Variants in GLP1R observed in about 807,000 individuals in gnomAD.
GLP1R encodes glucagon-like peptide 1 receptor.
A neutral mutation model predicts 68.4 loss-of-function variants in GLP1R; 32 were observed. The ratio of observed to expected loss-of-function variants is 0.47; its 90% CI spans 0.35 to 0.63. GLP1R has a LOEUF of 0.63. Ranked by LOEUF, GLP1R falls within the 20% of genes least tolerant of loss-of-function variation. The pLI is 0.00. For synonymous variants in GLP1R, 263 were observed against 244.4 expected, an observed-to-expected ratio of 1.08 and a Z score of -0.71; for missense variants, 502 against 594.9, an observed-to-expected ratio of 0.84 and a Z score of 1.62.
chr6:39,079,788 G>A lies in GLP1R; in HGVS notation c.1182+86G>A. The stretch of plus-strand genomic sequence containing the variant: ...CAGCCTGCATCATGCAGATGGAAAA[G>A]GTGGGAAGACTGGGACCTGGAGGGG... On this transcript the variant is annotated intron_variant, in intron 11 of 12. Coordinates refer to ENST00000373256, the MANE Select transcript of GLP1R (RefSeq NM_002062.5). This position sits in a 1 kb window ranked among gnomAD's most constrained non-coding sequence, Gnocchi z 4.5. 2 of 1,285,400 alleles carry A rather than the reference G, an allele frequency of 1.6e-6. No individual in the cohort carries two copies. The highest frequency in any genetic ancestry group is 1.3e-5 in the South Asian group (1 of 78,542). The allele number at this position is 1,285,400 out of a possible 1,614,324, so 79.6% of individuals were successfully genotyped here.
chr6:39,060,652 A>G (rs1448262309), intron 3 of GLP1R, among the ~76,000 whole-genome samples: 2 of 152,228 alleles, frequency 1.3e-5, no homozygotes, highest in East Asian at 3.9e-4. Context: ...CTGCCCTTCC[A>G]TCTTCTGCCA....
At chr6:39,082,541 A>G (rs2150838343) in intron 12 of GLP1R, among the ~76,000 whole-genome samples, 1 of 152,298 alleles carries the variant, frequency 6.6e-6, no homozygotes, top group East Asian at 1.9e-4. Flanking sequence ...AGGGTAGGGC[A>G]GGGAACAGGC....
In GLP1R at chr6:39,088,258, T is replaced by C. The variant is rs1343354873; in HGVS notation, c.*2185T>C. 6.6e-6 allele frequency among the ~76,000 whole-genome samples: 1 copy of C among 152,094 alleles called. No homozygotes were observed. Among genetic ancestry groups the C allele is most frequent in the African/African-American group, 2.4e-5 (1 of 41,406 alleles). The stretch of plus-strand genomic sequence containing the variant: ...CATGAATACATACAAGATACCGAAC[T>C]GAAGAAATCTTTTCTTTGCTCCAAC... On this transcript the variant is annotated 3_prime_UTR_variant, in exon 13 of 13. Coordinates refer to ENST00000373256, the MANE Select transcript of GLP1R (RefSeq NM_002062.5).
Position 39,086,178 on chromosome 6 carries a change from CACACACACACACACACACACACACACAT to C in GLP1R, c.*109_*136del. 1 of 675,200 alleles carries C rather than the reference CACACACACACACACACACACACACACAT, an allele frequency of 1.5e-6. No individual in the cohort carries two copies. Among genetic ancestry groups the C allele is most frequent in the South Asian group, 1.9e-5 (1 of 52,072 alleles). 41.8% of individuals were successfully genotyped at this position (675,200 alleles called of 1,614,324 possible). A position where few individuals can be genotyped will look rare whatever the true frequency, so the allele number is the denominator to read the frequency against. On this transcript the variant is annotated 3_prime_UTR_variant, in exon 13 of 13. Transcript: ENST00000373256. This position sits in a 1 kb window ranked among gnomAD's most constrained non-coding sequence, Gnocchi z 4.5. Reference sequence around the variant, plus strand: ...AAGGGAAGGAAGGGACACACACACACACACACACACACACACACACACACACATACATCCTGCTTTCCCTCCCCAAACC... The same window carrying C: ...AAGGGAAGGAAGGGACACACACACACACATCCTGCTTTCCCTCCCCAAACC...
In GLP1R at chr6:39,091,005, C is replaced by T. The variant is rs1214503058; in HGVS notation, c.*4932C>T. Reference sequence around the variant, plus strand: ...AAGCAGACCAACTCCAGCATCCCATCGGTTCTGGAGGGATTTGATGCAAAC... The same window carrying T: ...AAGCAGACCAACTCCAGCATCCCATTGGTTCTGGAGGGATTTGATGCAAAC... On this transcript the variant is annotated 3_prime_UTR_variant, in exon 13 of 13. Coordinates refer to ENST00000373256, the MANE Select transcript of GLP1R (RefSeq NM_002062.5). Among the ~76,000 whole-genome samples, 5 of 152,098 alleles carry T rather than the reference C, an allele frequency of 3.3e-5. No homozygotes were observed. Among genetic ancestry groups the T allele is most frequent in the African/African-American group, 4.8e-5 (2 of 41,418 alleles).
chr6:39,064,222 C>G (rs1010644852), intron 3 of GLP1R, among the ~76,000 whole-genome samples: 2 of 151,986 alleles, frequency 1.3e-5, no homozygotes, highest in African/African-American at 4.8e-5. Flanking sequence ...CCAGGCTGGT[C>G]TCGAACTCTT....
In GLP1R at chr6:39,088,188, A is replaced by G. The variant is rs1393094694; in HGVS notation, c.*2115A>G. Among the ~76,000 whole-genome samples the G allele has an allele frequency of 6.6e-6, 1 of 152,114 alleles. No individual in the cohort carries two copies. The highest frequency in any genetic ancestry group is 1.5e-5 in the Non-Finnish European group (1 of 68,022). On this transcript the variant is annotated 3_prime_UTR_variant, in exon 13 of 13. Coordinates refer to ENST00000373256, the MANE Select transcript of GLP1R (RefSeq NM_002062.5). The stretch of plus-strand genomic sequence containing the variant: ...GATTCCTGATTTCAGAAGGCTCATC[A>G]GACCCCTACACCCAAGTCTTTTAAC...
intron 1 of GLP1R, among the ~76,000 whole-genome samples, chr6:39,050,291 C>T (rs771066572): frequency 3.7e-4 from 57 of 152,280 alleles, no homozygotes; most frequent in Non-Finnish European, 7.4e-4. Flanking sequence ...CCATCGTTCC[C>T]TCCTCTTACG....
At chr6:39,075,082 C>T (rs968986228) in intron 7 of GLP1R, among the ~76,000 whole-genome samples, 8 of 152,224 alleles carry the variant, frequency 5.3e-5, no homozygotes, top group Non-Finnish European at 4.4e-5. Flanking sequence ...GGCTCTGGGC[C>T]TGCGGCCATC....
rs75067518 is a variant in GLP1R at position 39,051,556 on chromosome 6, C to T, written c.78+2638C>T. Among the ~76,000 whole-genome samples, 499 of 152,306 alleles carry T rather than the reference C, an allele frequency of 3.3e-3. 9 individuals are homozygous for T. The highest frequency in any genetic ancestry group is 0.032 in the East Asian group (166 of 5,176). ...TGGGGCAGGAGCAACCAAGAAACCA[C>T]ATCCTGCCCTCGAATGCCTTGCACC... On this transcript the variant is annotated intron_variant, in intron 1 of 12. Coordinates refer to ENST00000373256, the MANE Select transcript of GLP1R (RefSeq NM_002062.5).
chr6:39,064,447 A>G (rs565985452), intron 3 of GLP1R, among the ~76,000 whole-genome samples: 1 of 152,220 alleles, frequency 6.6e-6, no homozygotes, highest in Admixed American at 6.5e-5. Flanking sequence ...AAAATCTTCT[A>G]GTCTTTTAGA....
chr6:39,088,841 G>GC lies in GLP1R; in HGVS notation c.*2771dup, dbSNP rs550795178. On this transcript the variant is annotated 3_prime_UTR_variant, in exon 13 of 13. Coordinates refer to ENST00000373256, the MANE Select transcript of GLP1R (RefSeq NM_002062.5). The stretch of plus-strand genomic sequence containing the variant: ...AGAAAGACCTTGGTGATCCCCCCTG[G>GC]CCCGATCTATAGGATTGAGGAATGA... Among the ~76,000 whole-genome samples the GC allele has an allele frequency of 8.0e-4, 122 of 152,230 alleles. 1 individual carries two copies. The highest frequency in any genetic ancestry group is 4.8e-3 in the South Asian group (23 of 4,814).
chr6:39,086,173 AC>A lies in GLP1R; in HGVS notation c.*101del, dbSNP rs1769141201. 6.2e-6 allele frequency: 3 copies of A among 482,312 alleles called. No homozygotes were observed. The highest frequency in any genetic ancestry group is 1.0e-5 in the Non-Finnish European group (3 of 292,816). 29.9% of individuals were successfully genotyped at this position (482,312 alleles called of 1,614,324 possible). On this transcript the variant is annotated 3_prime_UTR_variant, in exon 13 of 13. Transcript: ENST00000373256. The surrounding 1 kb of genome is among the most constrained non-coding windows in gnomAD (Gnocchi z 4.5). The stretch of plus-strand genomic sequence containing the variant: ...GGGACAAGGGAAGGAAGGGACACAC[AC>A]ACACACACACACACACACACACACA...
intron 3 of GLP1R, 129 bp downstream of exon 3, chr6:39,057,708 A>G (rs1768251100): frequency 1.6e-6 from 1 of 619,682 alleles, no homozygotes; most frequent in Non-Finnish European, 2.9e-6. Flanking sequence ...CTGGGCCAGC[A>G]GTGGTGAGCC....
chr6:39,072,768 A>G (rs529417928), intron 5 of GLP1R, 94 bp from the exon 6 acceptor site: 4 of 1,065,684 alleles, frequency 3.8e-6, no homozygotes, highest in African/African-American at 3.1e-5. Context: ...AGGGCTGGAA[A>G]CATGCCTAAT....
At chr6:39,081,438 C>T (rs559470488) in intron 12 of GLP1R, among the ~76,000 whole-genome samples, 10 of 152,268 alleles carry the variant, frequency 6.6e-5, no homozygotes, top group South Asian at 2.1e-4. Flanking sequence ...AGGGGGTTCT[C>T]GCTGGCCCCA....
At chr6:39,076,953 G>C (rs1037160615) in intron 7 of GLP1R, among the ~76,000 whole-genome samples, 1 of 152,140 alleles carries the variant, frequency 6.6e-6, no homozygotes. Flanking sequence ...GAGCTCTCAG[G>C]GTGATCTGGG....
At chr6:39,082,624 T>A (rs1313068393) in intron 12 of GLP1R, among the ~76,000 whole-genome samples, 3 of 152,166 alleles carry the variant, frequency 2.0e-5, no homozygotes, top group African/African-American at 2.4e-5. Flanking sequence ...TTAAAACTGA[T>A]GCAAACGAGG....
intron 5 of GLP1R, among the ~76,000 whole-genome samples, chr6:39,068,595 CTG>C (rs1465911470): frequency 6.6e-6 from 1 of 152,242 alleles, no homozygotes; most frequent in East Asian, 1.9e-4. Flanking sequence ...CTCGTGCACT[CTG>C]TGTGTCTGTA....
Sources: gnomAD v4.1 joint callset for allele counts (sites outside exome capture counted in the v4.1 genomes callset) on GRCh38, gnomAD v4.1.1 for gene constraint, Gnocchi (gnomAD v3.1) non-coding constraint, MANE v1.5 for transcripts, NCBI Gene and HGNC (gene_info 2026-07-23, HGNC 2026-07-21) for gene names.